Variants in CENPC observed in about 807,000 individuals in gnomAD.
CENPC encodes centromere protein C, also known as CENP-C 1.
A neutral mutation model predicts 112.1 loss-of-function variants in CENPC; 63 were observed. That is an observed-to-expected ratio of 0.56 (90% confidence interval 0.46 to 0.69). The LOEUF (loss-of-function observed/expected upper bound fraction) is 0.69. Among genes scored for constraint, CENPC ranks in the 30% least tolerant of loss-of-function variants. The pLI is 0.00. For missense variants in CENPC, 1,000 were observed against 1,103.8 expected (o/e 0.91, Z 1.33); for synonymous variants, 333 against 367.6 (o/e 0.91, Z 1.08).
intron 17 of CENPC, among the ~76,000 whole-genome samples, chr4:67,481,754 A>C (rs936240386): frequency 6.6e-6 from 1 of 152,234 alleles, no homozygotes; most frequent in Non-Finnish European, 1.5e-5. Flanking sequence ...AAATCAACTC[A>C]AGATGGATCA....
At chr4:67,525,671 A>G (rs1351199639) in intron 5 of CENPC, among the ~76,000 whole-genome samples, 1 of 152,174 alleles carries the variant, frequency 6.6e-6, no homozygotes, top group African/African-American at 2.4e-5. Flanking sequence ...ACAAGAAACA[A>G]CAGATGCTGG....
chr4:67,539,883 G>A lies in CENPC; in HGVS notation c.188C>T (p.Thr63Ile), dbSNP rs1170726174. 6 of 1,534,278 alleles carry A rather than the reference G, an allele frequency of 3.9e-6. No homozygotes were observed. Among genetic ancestry groups the A allele is most frequent in the Non-Finnish European group, 5.2e-6 (6 of 1,142,956 alleles). Residue 63 changes from threonine (T) to isoleucine (I), a missense_variant, in exon 4 of 19, where the codon ACA becomes ATA. Coordinates refer to ENST00000273853, the MANE Select transcript of CENPC (RefSeq NM_001812.4). The part of the protein sequence containing the change: ...TNSTKSVPNS[T>I]RKIKDTCIQS... The stretch of plus-strand genomic sequence containing the variant: ...AATACAAGTGTCTTTTATTTTGCGT[G>A]TTGAATTAGGCACTGATTTTGTAGA...
At chr4:67,505,923 A>G (rs571552933) in intron 11 of CENPC, among the ~76,000 whole-genome samples, 2 of 152,248 alleles carry the variant, frequency 1.3e-5, no homozygotes, top group South Asian at 4.1e-4. Flanking sequence ...GAAAGAAATC[A>G]TCATATTTTA....
In CENPC at chr4:67,474,884, T is replaced by C; in HGVS notation, c.2761+4A>G. 2 of 1,526,186 alleles carry C rather than the reference T, an allele frequency of 1.3e-6. No individual in the cohort carries two copies. The highest frequency in any genetic ancestry group is 1.8e-6 in the Non-Finnish European group (2 of 1,113,996). The allele number at this position is 1,526,186 out of a possible 1,614,324, so 94.5% of individuals were successfully genotyped here. A position where few individuals can be genotyped will look rare whatever the true frequency, so the allele number is the denominator to read the frequency against. ...TGTTGTCTAAGTGAAATAAATTGTCTTACCTGAAGGAACATAGAACGAATC... is the reference window on the plus strand; with the variant it reads ...TGTTGTCTAAGTGAAATAAATTGTCCTACCTGAAGGAACATAGAACGAATC... On this transcript the variant is annotated splice_donor_region_variant and intron_variant, in intron 18 of 18. Coordinates refer to ENST00000273853, the MANE Select transcript of CENPC (RefSeq NM_001812.4).
At position 67,472,092 on chromosome 4, in the gene CENPC, G is replaced by A. The variant is rs954952617; in HGVS notation, c.*513C>T. On this transcript the variant is annotated 3_prime_UTR_variant, in exon 19 of 19. Transcript: ENST00000273853. ...CCTTACAGGTTTTCAAAGACATCAC[G>A]GCCTTGACAACACCTTGATTTCAGA... 1 of 152,104 alleles carries A rather than the reference G, an allele frequency of 6.6e-6. No individual in the cohort carries two copies. Among genetic ancestry groups the A allele is most frequent in the Non-Finnish European group, 1.5e-5 (1 of 68,016 alleles). The allele number at this position is 152,104 out of a possible 1,614,324, so 9.4% of individuals were successfully genotyped here.
At chr4:67,535,528 A>G (rs963478251) in intron 4 of CENPC, among the ~76,000 whole-genome samples, 3 of 152,130 alleles carry the variant, frequency 2.0e-5, no homozygotes, top group Admixed American at 6.5e-5. Flanking sequence ...GACGTTTGTC[A>G]TAGAAAACTG....
chr4:67,491,445 T>TGATATATATA (rs1560423071), intron 16 of CENPC, among the ~76,000 whole-genome samples: 2 of 64,172 alleles, frequency 3.1e-5, no homozygotes, highest in African/African-American at 1.2e-4. Flanking sequence ...TTTAAATATT[T>TGATATATATA]CATATATATA....
At chr4:67,494,516 G>A (rs993898535) in intron 13 of CENPC, among the ~76,000 whole-genome samples, 4 of 152,030 alleles carry the variant, frequency 2.6e-5, no homozygotes, top group Non-Finnish European at 5.9e-5. Context: ...TCATCACATA[G>A]GCCCACAAAA....
intron 7 of CENPC, among the ~76,000 whole-genome samples, chr4:67,515,311 C>T (rs1307855421): frequency 6.6e-6 from 1 of 151,574 alleles, no homozygotes; most frequent in Non-Finnish European, 1.5e-5. Flanking sequence ...ACTAAAAATA[C>T]AAAAATTAGC....
chr4:67,495,593 G>A (rs1257739990), intron 12 of CENPC, among the ~76,000 whole-genome samples: 1 of 152,132 alleles, frequency 6.6e-6, no homozygotes, highest in East Asian at 1.9e-4. Context: ...ACTCATGACT[G>A]TATTCGCTCC....
intron 12 of CENPC, among the ~76,000 whole-genome samples, chr4:67,500,044 C>T (rs2109787238): frequency 6.6e-6 from 1 of 151,878 alleles, no homozygotes; most frequent in South Asian, 2.1e-4. Context: ...AAAACAATTA[C>T]AATAGTAATG....
intron 4 of CENPC, among the ~76,000 whole-genome samples, chr4:67,536,540 C>T (rs1271947879): frequency 2.0e-5 from 3 of 151,852 alleles, no homozygotes; most frequent in African/African-American, 7.3e-5. Context: ...ATCTCAAGTT[C>T]GCAAACAGAA....
intron 12 of CENPC, 145 bp from the exon 13 acceptor site, chr4:67,495,357 T>C (rs1444485489): frequency 4.0e-6 from 3 of 746,612 alleles, no homozygotes; most frequent in African/African-American, 3.7e-5. Flanking sequence ...TGCTTTTCAT[T>C]GCTCAACTAT....
intron 2 of CENPC, among the ~76,000 whole-genome samples, chr4:67,541,884 CTG>C (rs771730858): frequency 1.3e-5 from 2 of 152,192 alleles, no homozygotes; most frequent in Non-Finnish European, 2.9e-5. Context: ...AACCACTAAT[CTG>C]TCCTCCATTT....
chr4:67,476,828 G>A (rs1724817728), intron 17 of CENPC, among the ~76,000 whole-genome samples: 1 of 152,212 alleles, frequency 6.6e-6, no homozygotes, highest in Admixed American at 6.5e-5. Context: ...TTGGTTTGGT[G>A]GGGCACAGTA....
At chr4:67,495,260 T>C in intron 12 of CENPC, 48 bp from the exon 13 acceptor site, 3 of 1,440,188 alleles carry the variant, frequency 2.1e-6, no homozygotes, top group Non-Finnish European at 2.8e-6. Flanking sequence ...GCTAATTCCA[T>C]GTTAAATTAA....
intron 7 of CENPC, among the ~76,000 whole-genome samples, chr4:67,515,867 G>A (rs1726045027): frequency 6.6e-6 from 1 of 151,944 alleles, no homozygotes; most frequent in African/African-American, 2.4e-5. Flanking sequence ...CAATGCTACA[G>A]AATGTTATTA....
intron 8 of CENPC, among the ~76,000 whole-genome samples, chr4:67,513,301 A>G (rs540449150): frequency 1.3e-5 from 2 of 152,184 alleles, no homozygotes; most frequent in Admixed American, 1.3e-4. Flanking sequence ...TTTTAAGCCA[A>G]TAAGTGTGTA....
At chr4:67,526,076 A>C (rs936197428) in intron 5 of CENPC, among the ~76,000 whole-genome samples, 53 of 152,144 alleles carry the variant, frequency 3.5e-4, no homozygotes, top group African/African-American at 1.3e-3. Flanking sequence ...ACAGAAAACC[A>C]AACACTGCAT....
Sources: allele counts gnomAD v4.1 joint callset (sites outside exome capture counted in the v4.1 genomes callset), GRCh38; gene constraint gnomAD v4.1.1; transcripts MANE v1.5; gene names NCBI Gene and HGNC (gene_info 2026-07-23, HGNC 2026-07-21).